PCDHGA11: variants seen among roughly 807,000 people sequenced by gnomAD.
PCDHGA11 encodes protocadherin gamma subfamily A, 11, also known as protocadherin gamma-A11.
A neutral mutation model predicts 60.4 loss-of-function variants in PCDHGA11; 39 were observed. That is an observed-to-expected ratio of 0.65 (90% CI 0.50 to 0.84). The LOEUF (loss-of-function observed/expected upper bound fraction) is 0.84, where lower values mean the gene tolerates loss of function less well. Among genes scored for constraint, PCDHGA11 ranks in the 40% least tolerant of loss-of-function variants. The pLI is 0.00. For synonymous variants in PCDHGA11, 533 were observed against 510.3 expected (o/e 1.04, Z -0.60); for missense variants, 1,165 against 1,197.7 (o/e 0.97, Z 0.40).
intron 1 of PCDHGA11, among the ~76,000 whole-genome samples, chr5:141,438,039 C>T (rs1373700448): frequency 6.6e-6 from 1 of 152,024 alleles, no homozygotes; most frequent in Non-Finnish European, 1.5e-5. Flanking sequence ...CCATGCCCGA[C>T]CACTTTGAGT....
Position 141,421,459 on chromosome 5 carries a change from G to T in PCDHGA11, c.232G>T (p.Val78Leu). 1 of 1,614,142 alleles carries T rather than the reference G, an allele frequency of 6.2e-7. No individual in the cohort carries two copies. Among genetic ancestry groups the T allele is most frequent in the South Asian group, 1.1e-5 (1 of 91,088 alleles). The stretch of plus-strand genomic sequence containing the variant: ...CAGAGGGAAGACACAGCTTTTCGCT[G>T]TGAATCCGCGAAGCGGCAGCTTGAT... ...VSRGKTQLFA[V>L]NPRSGSLITA... The change falls in exon 1 of 4, where the codon GTG becomes TTG. Residue 78 changes from valine (V) to leucine (L), a missense_variant. By Grantham distance (32) the Val-to-Leu change is conservative. Transcript: ENST00000398587.
At chr5:141,495,104 G>C (rs552664771) in intron 2 of PCDHGA11, among the ~76,000 whole-genome samples, 16 of 152,194 alleles carry the variant, frequency 1.1e-4, no homozygotes, top group Admixed American at 8.5e-4. Flanking sequence ...CGCCACGACC[G>C]GCACCTTTTC....
At chr5:141,430,846 C>CCA in intron 1 of PCDHGA11, 1 of 1,576,346 alleles carries the variant, frequency 6.3e-7, no homozygotes, top group Non-Finnish European at 8.6e-7. Context: ...CCGGATGCAC[C>CCA]CAGATACGCT....
intron 1 of PCDHGA11, among the ~76,000 whole-genome samples, chr5:141,460,981 G>A (rs35435563): frequency 1.6e-4 from 20 of 121,900 alleles, no homozygotes; most frequent in African/African-American, 3.7e-4. Context: ...GTGTGTGTGT[G>A]TGTATATATA....
rs2099411055 is a variant in PCDHGA11, at chr5:141,477,429, C to T, written c.2434-17378C>T. 6.2e-7 allele frequency: 1 copy of T among 1,614,218 alleles called. No individual in the cohort carries two copies. Among genetic ancestry groups the T allele is most frequent in the South Asian group, 1.1e-5 (1 of 91,082 alleles). ...CGAGACGCCGGAACCCCTTCCCTCT[C>T]AGCCCTTACAATAGTGCGTGTTCAA... On this transcript the variant is annotated intron_variant, in intron 1 of 3. Coordinates refer to ENST00000398587, the MANE Select transcript of PCDHGA11 (RefSeq NM_018914.3). The surrounding 1 kb of genome is among the most constrained non-coding windows in gnomAD (Gnocchi z 4.9).
chr5:141,427,871 G>A (rs762885351), intron 1 of PCDHGA11: 1 of 1,559,530 alleles, frequency 6.4e-7, no homozygotes, highest in South Asian at 1.1e-5. Flanking sequence ...TCGAGCTCAC[G>A]ATGCAGGCCC....
At chr5:141,466,077 A>G (rs1220036084) in intron 1 of PCDHGA11, among the ~76,000 whole-genome samples, 2 of 152,108 alleles carry the variant, frequency 1.3e-5, no homozygotes, top group Non-Finnish European at 2.9e-5. Context: ...AGCTGATATC[A>G]TGCCACTGCA....
Position 141,486,859 on chromosome 5 carries a change from T to C in PCDHGA11, c.2434-7948T>C, listed in dbSNP as rs1231188225. ...TTGTGCTGGACCTCAATGACAATGC[T>C]CCAGCTGTGCTCCGTCCTCGGGCCC... On this transcript the variant is annotated intron_variant, in intron 1 of 3. Transcript: ENST00000398587. The surrounding 1 kb of genome is among the most constrained non-coding windows in gnomAD (Gnocchi z 5.0). The C allele has an allele frequency of 1.9e-6, 3 of 1,614,242 alleles. No individual in the cohort carries two copies. The highest frequency in any genetic ancestry group is 2.7e-5 in the African/African-American group (2 of 75,072).
At chr5:141,478,236 TCA>T in intron 1 of PCDHGA11, 3 of 1,614,156 alleles carry the variant, frequency 1.9e-6, no homozygotes, top group Non-Finnish European at 2.5e-6. Flanking sequence ...GGGTTTGTGG[TCA>T]CAGTGTTCGG....
intron 2 of PCDHGA11, among the ~76,000 whole-genome samples, chr5:141,503,010 A>ATT (rs199924715): frequency 4.8e-5 from 7 of 146,772 alleles, no homozygotes; most frequent in East Asian, 2.0e-4. Context: ...TGCCCGGTTA[A>ATT]TTTTTTTTTT....
intron 2 of PCDHGA11, among the ~76,000 whole-genome samples, chr5:141,498,956 AGAGG>A (rs1198207839): frequency 1.1e-4 from 14 of 124,162 alleles, no homozygotes; most frequent in East Asian, 2.7e-4. Context: ...AAAAAGAGAG[AGAGG>A]GAGGGAGGGA....
In PCDHGA11 at chr5:141,426,319, C is replaced by A. The variant is rs572457971; in HGVS notation, c.2433+2659C>A. On this transcript the variant is annotated intron_variant, in intron 1 of 3. Coordinates refer to ENST00000398587, the MANE Select transcript of PCDHGA11 (RefSeq NM_018914.3). ...CAGGGTGAAGCAGAGAAGCAGGACC[C>A]GGCAGTGGCAAGCACTCTTCCCTTT... 9 of 175,482 alleles carry A rather than the reference C, an allele frequency of 5.1e-5. No homozygotes were observed. In the East Asian group the frequency reaches 6.8e-4, roughly 13 times the overall value. The allele number at this position is 175,482 out of a possible 1,614,324, so 10.9% of individuals were successfully genotyped here.
rs377652360 is a variant in PCDHGA11 at position 141,421,530 on chromosome 5, C to T, written c.303C>T (p.Ser101=). The change falls in exon 1 of 4, where the codon TCC becomes TCT. Residue 101 remains serine (S), a synonymous_variant. Transcript: ENST00000398587. ...GGGAGGAGCTCTGTGAGACGGTGTC[C>T]TCCTGTTTTTTAAATATGGAACTTC... The part of the protein sequence containing the change: ...IDREELCETV[S]SCFLNMELLV... 1.7e-4 allele frequency: 274 copies of T among 1,613,922 alleles called. No individual in the cohort carries two copies. Among genetic ancestry groups the T allele is most frequent in the Non-Finnish European group, 2.3e-4 (266 of 1,179,900 alleles).
intron 1 of PCDHGA11, chr5:141,440,448 A>G (rs2098178859): frequency 6.6e-6 from 1 of 152,168 alleles, no homozygotes; most frequent in East Asian, 1.9e-4. Context: ...CGCCATCTCA[A>G]AAAAAATGAA....
intron 1 of PCDHGA11, among the ~76,000 whole-genome samples, chr5:141,462,829 G>T (rs770335372): frequency 4.6e-5 from 7 of 152,130 alleles, no homozygotes; most frequent in Non-Finnish European, 8.8e-5. Flanking sequence ...AGCAGACATT[G>T]TAAATGTTAT....
intron 1 of PCDHGA11, among the ~76,000 whole-genome samples, chr5:141,455,549 C>G (rs911113181): frequency 1.3e-5 from 2 of 152,042 alleles, no homozygotes; most frequent in Non-Finnish European, 2.9e-5. Flanking sequence ...TCACGTAGCC[C>G]GAGAAAAAGC....
chr5:141,428,067 G>GC, intron 1 of PCDHGA11: 2 of 1,609,228 alleles, frequency 1.2e-6, no homozygotes, highest in Non-Finnish European at 1.7e-6. Context: ...GGTGGACGCA[G>GC]ATTCGGGACA....
rs2099702455 is a variant in PCDHGA11, at chr5:141,490,641, G to C, written c.2434-4166G>C. 6.2e-7 allele frequency: 1 copy of C among 1,614,042 alleles called. No homozygotes were observed. Among genetic ancestry groups the C allele is most frequent in the Admixed American group, 1.7e-5 (1 of 60,004 alleles). On this transcript the variant is annotated intron_variant, in intron 1 of 3. Coordinates refer to ENST00000398587, the MANE Select transcript of PCDHGA11 (RefSeq NM_018914.3). The surrounding 1 kb of genome is among the most constrained non-coding windows in gnomAD (Gnocchi z 5.4). ...ACACTGCTTACATCCTAGAAAACCG[G>C]CCTCCGGGCTCCCTTCTTTGCACTG...
chr5:141,438,760 C>T (rs1346379482), intron 1 of PCDHGA11, among the ~76,000 whole-genome samples: 4 of 148,802 alleles, frequency 2.7e-5, no homozygotes, highest in South Asian at 2.1e-4. Context: ...CTCCTGGGTT[C>T]AAGCGATTCT....
Sources: allele counts gnomAD v4.1 joint callset (sites outside exome capture counted in the v4.1 genomes callset), GRCh38; gene constraint gnomAD v4.1.1; non-coding constraint Gnocchi (gnomAD v3.1); transcripts MANE v1.5; gene names NCBI Gene and HGNC (gene_info 2026-07-23, HGNC 2026-07-21).